The following RAB17 variants were observed in gnomAD, a reference collection of about 807,000 sequenced individuals.
RAB17 encodes RAB17, member RAS oncogene family.
In RAB17, 15 loss-of-function variants were observed where a neutral mutation model predicts 19.3. The ratio of observed to expected loss-of-function variants is 0.78; its 90% confidence interval spans 0.52 to 1.20. The LOEUF is 1.20. Among genes scored for constraint, RAB17 ranks in the 50% most tolerant of loss-of-function variants. The pLI, the probability that RAB17 is intolerant of heterozygous loss-of-function variation, is 0.00. For missense variants in RAB17, 262 were observed against 269.3 expected (o/e 0.97, Z 0.19); for synonymous variants, 110 against 112.8 (o/e 0.97, Z 0.16).
Position 237,574,856 on chromosome 2 carries a change from T to C in RAB17, c.*163A>G. 1 of 803,988 alleles carries C rather than the reference T, an allele frequency of 1.2e-6. No individual in the cohort carries two copies. The highest frequency in any genetic ancestry group is 2.2e-5 in the South Asian group (1 of 45,240). 49.8% of individuals were successfully genotyped at this position (803,988 alleles called of 1,614,324 possible). ...GTGACGCCAGATCTTCCTCTGGCAG[T>C]TCCCACTGGCTGTGGGAAGTGGTTT... On this transcript the variant is annotated 3_prime_UTR_variant, in exon 6 of 6. Coordinates refer to ENST00000264601, the MANE Select transcript of RAB17 (RefSeq NM_022449.4).
intron 2 of RAB17, among the ~76,000 whole-genome samples, chr2:237,585,225 G>A (rs756028331): frequency 2.0e-5 from 3 of 152,252 alleles, no homozygotes; most frequent in Non-Finnish European, 2.9e-5. Context: ...GAGTGAATTT[G>A]GAGATGTGCA....
intron 2 of RAB17, among the ~76,000 whole-genome samples, chr2:237,585,769 C>A (rs951644512): frequency 5.9e-5 from 9 of 152,190 alleles, no homozygotes; most frequent in African/African-American, 1.9e-4. Flanking sequence ...CCTGCAGACT[C>A]CAGCTGAGCT....
At chr2:237,580,531 G>A (rs573068637) in intron 2 of RAB17, among the ~76,000 whole-genome samples, 341 of 151,948 alleles carry the variant, frequency 2.2e-3, no homozygotes, top group African/African-American at 7.5e-3. Flanking sequence ...ACTTGAGGTC[G>A]AGTTCAAGAC....
intron 2 of RAB17, chr2:237,578,360 A>T (rs748191692): frequency 7.6e-6 from 4 of 529,702 alleles, no homozygotes; most frequent in Non-Finnish European, 1.3e-5. Flanking sequence ...GTTGGGAGTG[A>T]TTGCTATGGG....
At chr2:237,588,116 T>C (rs1309703981) in intron 1 of RAB17, among the ~76,000 whole-genome samples, 2 of 152,188 alleles carry the variant, frequency 1.3e-5, no homozygotes, top group Non-Finnish European at 2.9e-5. Context: ...AAAAGCAGAT[T>C]TGGAAACTTA....
intron 2 of RAB17, among the ~76,000 whole-genome samples, chr2:237,579,879 C>CT: frequency 1.3e-5 from 2 of 152,322 alleles, no homozygotes; most frequent in East Asian, 3.9e-4. Flanking sequence ...CTGCAGTTCC[C>CT]TGCAGGTCCA....
chr2:237,577,528 C>T (rs940984168), intron 3 of RAB17, 146 bp from the exon 4 acceptor site: 10 of 934,534 alleles, frequency 1.1e-5, no homozygotes, highest in South Asian at 5.2e-5. Flanking sequence ...AGGGCTGCTC[C>T]GTTCCTCTGA....
chr2:237,590,634 C>T lies in RAB17; in HGVS notation c.-171G>A, dbSNP rs2081388388. 1 of 152,554 alleles carries T rather than the reference C, an allele frequency of 6.6e-6. No individual in the cohort carries two copies. Among genetic ancestry groups the T allele is most frequent in the Admixed American group, 6.5e-5 (1 of 15,270 alleles). The allele number at this position is 152,554 out of a possible 1,614,324, so 9.5% of individuals were successfully genotyped here. On this transcript the variant is annotated 5_prime_UTR_variant, in exon 1 of 6. Transcript: ENST00000264601. ...AGCCTCTACTCCAATGGAAAACAGC[C>T]GCAGAGCAGAGGTCAAGAGCAGCAG... is the stretch of plus-strand genomic sequence containing the variant.
In RAB17 at chr2:237,574,600, CA is replaced by C; in HGVS notation, c.*418del. 1 of 1,539,366 alleles carries C rather than the reference CA, an allele frequency of 6.5e-7. No homozygotes were observed. On this transcript the variant is annotated 3_prime_UTR_variant, in exon 6 of 6. Coordinates refer to ENST00000264601, the MANE Select transcript of RAB17 (RefSeq NM_022449.4). ...CACCACCTCCATCTGGCCTGCTCCC[CA>C]ACCCCCCAGAAGCAGGTGGGCCCAG...
In RAB17 at chr2:237,575,126, G is replaced by A. The variant is rs1420886909; in HGVS notation, c.532C>T (p.Gln178Ter). 3.1e-6 allele frequency: 5 copies of A among 1,612,388 alleles called. No individual in the cohort carries two copies. In the African/African-American group the frequency reaches 6.7e-5, roughly 22 times the overall value. ...TCGTCGCTTCTCTGCAGTAGCTCTT[G>A]GGCTGTGAACAGCAAGAGGAGGGGG... ...QVSEVFNTVA[Q>*]ELLQRSDEEG... The change falls in exon 6 of 6, where the codon CAA becomes TAA. Residue 178 changes from glutamine to a stop codon, truncating the protein, a stop_gained and splice_region_variant. Coordinates refer to ENST00000264601, the MANE Select transcript of RAB17 (RefSeq NM_022449.4). LOFTEE classifies it low-confidence loss of function (END_TRUNC).
At chr2:237,589,969 AT>A (rs1425655243) in intron 1 of RAB17, among the ~76,000 whole-genome samples, 2 of 152,188 alleles carry the variant, frequency 1.3e-5, no homozygotes, top group Non-Finnish European at 2.9e-5. Context: ...GAATATTGAG[AT>A]TACGAGAGGT....
At chr2:237,578,266 G>T (rs2081282416) in intron 2 of RAB17, 111 bp from the exon 3 acceptor site, 1 of 1,093,608 alleles carries the variant, frequency 9.1e-7, no homozygotes, top group Non-Finnish European at 1.3e-6. Context: ...GGGACAGCTG[G>T]CCATGCATCT....
intron 2 of RAB17, chr2:237,578,710 G>C (rs6746529): frequency 0.48 from 72,927 of 152,272 alleles, 19,010 homozygotes; most frequent in African/African-American, 0.69. Flanking sequence ...CCTTCCTCTT[G>C]TTCACCTAGA....
chr2:237,581,809 A>T (rs185541534), intron 2 of RAB17, among the ~76,000 whole-genome samples: 49 of 152,352 alleles, frequency 3.2e-4, no homozygotes, highest in Non-Finnish European at 1.0e-4. Flanking sequence ...CCTGTTTGTC[A>T]CCGTCCCCTT....
intron 2 of RAB17, among the ~76,000 whole-genome samples, chr2:237,579,865 T>C (rs796737809): frequency 2.7e-4 from 41 of 152,322 alleles, no homozygotes; most frequent in African/African-American, 9.6e-4. Context: ...TCTGCCCGCA[T>C]GTCCTGCAGT....
At chr2:237,576,635 G>A in intron 4 of RAB17, 1 of 471,290 alleles carries the variant, frequency 2.1e-6, no homozygotes, top group South Asian at 1.5e-5. Context: ...AGCCTCTAGT[G>A]TGTGTGGGGT....
intron 2 of RAB17, chr2:237,578,940 C>CACA (rs1383815069): frequency 1.3e-5 from 2 of 148,250 alleles, no homozygotes; most frequent in Admixed American, 6.6e-5. Flanking sequence ...CACACACACA[C>CACA]AACTACTCCC....
Position 237,577,392 on chromosome 2 carries a change from A to G in RAB17, c.310-10T>C. 6.3e-7 allele frequency: 1 copy of G among 1,591,506 alleles called. No individual in the cohort carries two copies. Among genetic ancestry groups the G allele is most frequent in the Non-Finnish European group, 8.6e-7 (1 of 1,167,090 alleles). ...CCTTGAGGAAGGAATCCTAGAAAAG[A>G]AGAAAAAAAGTAACATCAAACAAAA... On this transcript the variant is annotated splice_polypyrimidine_tract_variant and intron_variant, in intron 3 of 5. Coordinates refer to ENST00000264601, the MANE Select transcript of RAB17 (RefSeq NM_022449.4).
intron 4 of RAB17, chr2:237,575,703 C>T (rs1054555538): frequency 1.5e-5 from 8 of 516,464 alleles, no homozygotes; most frequent in African/African-American, 5.8e-5. Context: ...TGGCGGGGTG[C>T]GGCCTTCCTC....
Sources: gnomAD v4.1 joint callset for allele counts (sites outside exome capture counted in the v4.1 genomes callset) on GRCh38, gnomAD v4.1.1 for gene constraint, MANE v1.5 for transcripts, NCBI Gene and HGNC (gene_info 2026-07-23, HGNC 2026-07-21) for gene names.